The following KAZN variants were observed in gnomAD, a reference collection of about 807,000 sequenced individuals.
KAZN encodes kazrin, periplakin interacting protein, also known as kazrin.
In KAZN, 40 loss-of-function variants were observed where a neutral mutation model predicts 87.4. The observed-to-expected ratio is 0.46, with a 90% confidence interval of 0.36 to 0.60. The LOEUF is 0.60. KAZN is among the 20% of genes least tolerant of loss of function. The probability of loss-of-function intolerance (pLI) is 0.00; values close to 1 mark genes in which losing one functional copy is unlikely to be tolerated. For synonymous variants in KAZN, 466 were observed against 458.3 expected (o/e 1.02, Z -0.22); for missense variants, 898 against 1,073.9 (o/e 0.84, Z 2.29).
At chr1:15,001,307 C>CA (rs201932238) in intron 2 of KAZN, among the ~76,000 whole-genome samples, 3,784 of 97,768 alleles carry the variant, frequency 0.039, 63 homozygotes, top group East Asian at 0.11. Context: ...ACTAAAAATA[C>CA]AAAAAAAAAA....
chr1:14,303,694 C>G (rs1654718079), intron 2 of KAZN, among the ~76,000 whole-genome samples: 1 of 152,228 alleles, frequency 6.6e-6, no homozygotes, highest in South Asian at 2.1e-4. Flanking sequence ...ATCATTCTCC[C>G]TTCCCATTTA....
At chr1:14,530,724 G>A (rs942657468) in intron 2 of KAZN, among the ~76,000 whole-genome samples, 1 of 152,152 alleles carries the variant, frequency 6.6e-6, no homozygotes, top group African/African-American at 2.4e-5. Flanking sequence ...AGAAGCAGAT[G>A]TCATCACCAT....
rs564694322 is a variant in KAZN, at chr1:14,392,297, A to G, written c.250-206686A>G. On this transcript the variant is annotated intron_variant, in intron 2 of 16. Transcript: ENST00000636203. ...TGGGGTGGACATGTACATATATATT[A>G]CAGCATATCTAGTAATGACTCAGCC... Among the ~76,000 whole-genome samples the G allele has an allele frequency of 1.1e-4, 17 of 152,318 alleles. No individual in the cohort carries two copies. The East Asian group carries it at 3.3e-3, about 29-fold the overall frequency.
rs186234436 is a variant in KAZN at position 14,939,463 on chromosome 1, C to G, written c.227-21221C>G. On this transcript the variant is annotated intron_variant, in intron 1 of 14. Transcript: ENST00000376030. ...TTTTAAAACATTTTGTTTGTAGAGA[C>G]AGGGTCTCACTTGTTGCCCAGGCTG... 1.4e-4 allele frequency among the ~76,000 whole-genome samples: 21 copies of G among 152,020 alleles called. No homozygotes were observed. In the East Asian group the frequency reaches 3.9e-3, roughly 28 times the overall value.
chr1:14,559,298 T>A (rs1674107522), intron 2 of KAZN, among the ~76,000 whole-genome samples: 1 of 152,180 alleles, frequency 6.6e-6, no homozygotes, highest in African/African-American at 2.4e-5. Flanking sequence ...GAATGAATAA[T>A]TCACCAACTA....
rs187163948 is a variant in KAZN, at chr1:14,072,651, G to A, written c.92-107784G>A. 5.1e-3 allele frequency among the ~76,000 whole-genome samples: 770 copies of A among 152,288 alleles called. 3 individuals are homozygous for A. Among genetic ancestry groups the A allele is most frequent in the Non-Finnish European group, 8.0e-3 (541 of 68,024 alleles). On this transcript the variant is annotated intron_variant, in intron 1 of 16. Transcript: ENST00000636203. ...GAGAGGCGGCTGAGGAAAACAGAAC[G>A]AGTGTGCACACCTAAGTCATACTGA...
chr1:14,106,975 T>A (rs1644388564), intron 1 of KAZN, among the ~76,000 whole-genome samples: 2 of 34,150 alleles, frequency 5.9e-5, no homozygotes, highest in African/African-American at 2.4e-4. Context: ...CGTCCCTCCC[T>A]CCTTCTCTCC....
intron 2 of KAZN, among the ~76,000 whole-genome samples, chr1:14,551,671 G>A (rs1218280829): frequency 3.3e-5 from 5 of 152,138 alleles, no homozygotes; most frequent in Non-Finnish European, 1.5e-5. Context: ...TTAGTGGGTG[G>A]AGGGAGCGAG....
At chr1:15,003,270 G>A (rs1049371607) in intron 2 of KAZN, among the ~76,000 whole-genome samples, 4 of 152,298 alleles carry the variant, frequency 2.6e-5, no homozygotes, top group African/African-American at 4.8e-5. Context: ...GCGTGGATCC[G>A]GTAGGCAGTG....
intron 2 of KAZN, among the ~76,000 whole-genome samples, chr1:14,308,227 A>G (rs373336094): frequency 6.6e-5 from 10 of 152,308 alleles, no homozygotes; most frequent in African/African-American, 4.8e-5. Context: ...CATTATTAGG[A>G]CAATTGATGA....
chr1:14,415,534 C>T (rs1207142321), intron 2 of KAZN, among the ~76,000 whole-genome samples: 1 of 152,182 alleles, frequency 6.6e-6, no homozygotes, highest in Non-Finnish European at 1.5e-5. Context: ...CCTCGACCCC[C>T]ACCCACTGAA....
At chr1:13,974,132 A>G (rs1642229956) in intron 1 of KAZN, among the ~76,000 whole-genome samples, 1 of 152,254 alleles carries the variant, frequency 6.6e-6, no homozygotes, top group African/African-American at 2.4e-5. Context: ...AATGTTATCA[A>G]ACCAGGAATT....
chr1:13,918,601 A>C (rs990946542), intron 1 of KAZN, among the ~76,000 whole-genome samples: 11 of 152,386 alleles, frequency 7.2e-5, no homozygotes, highest in South Asian at 2.1e-4. Flanking sequence ...TTTTGAAAGA[A>C]GTTCTACTGT....
intron 1 of KAZN, among the ~76,000 whole-genome samples, chr1:13,973,806 T>C (rs1642215103): frequency 1.3e-5 from 2 of 152,210 alleles, no homozygotes; most frequent in Admixed American, 6.5e-5. Flanking sequence ...GGCTGTGTGA[T>C]CTCCATCCTG....
At chr1:14,152,753 G>T (rs554983925) in intron 1 of KAZN, among the ~76,000 whole-genome samples, 2 of 152,196 alleles carry the variant, frequency 1.3e-5, no homozygotes, top group Non-Finnish European at 2.9e-5. Context: ...TTAGTTTTTT[G>T]AGAAAACTCC....
intron 1 of KAZN, among the ~76,000 whole-genome samples, chr1:14,911,567 G>A (rs760375266): frequency 5.9e-5 from 9 of 152,220 alleles, no homozygotes; most frequent in Non-Finnish European, 8.8e-5. Context: ...GGCGCCGGAA[G>A]CTGCTTCAGG....
chr1:14,319,812 G>A (rs369747887), intron 2 of KAZN, among the ~76,000 whole-genome samples: 11 of 152,160 alleles, frequency 7.2e-5, no homozygotes, highest in African/African-American at 2.4e-4. Context: ...TTGAAGGCAG[G>A]AGGATAAACC....
intron 1 of KAZN, among the ~76,000 whole-genome samples, chr1:14,690,558 C>G (rs1307584413): frequency 6.8e-6 from 1 of 146,044 alleles, no homozygotes; most frequent in African/African-American, 2.6e-5. Flanking sequence ...TCATGCTCTT[C>G]CCCCCATTTC....
chr1:14,568,552 A>G (rs1048036747), intron 2 of KAZN, among the ~76,000 whole-genome samples: 19 of 152,234 alleles, frequency 1.2e-4, no homozygotes, highest in Admixed American at 1.2e-3. Context: ...ATCTCGTGAG[A>G]CTTATTCACT....
Sources: allele counts gnomAD v4.1 joint callset (sites outside exome capture counted in the v4.1 genomes callset), GRCh38; gene constraint gnomAD v4.1.1; transcripts MANE v1.5; gene names NCBI Gene and HGNC (gene_info 2026-07-23, HGNC 2026-07-21).